Variants in FRMD1 observed in about 807,000 individuals in gnomAD.
FRMD1 encodes FERM domain containing 1.
A neutral mutation model predicts 54.9 loss-of-function variants in FRMD1; 51 were observed. The observed-to-expected ratio is 0.93, with a 90% CI of 0.74 to 1.17. The LOEUF (loss-of-function observed/expected upper bound fraction) is 1.17, where lower values mean the gene tolerates loss of function less well. Among genes scored for constraint, FRMD1 ranks in the 50% most tolerant of loss-of-function variants. The pLI, the probability that FRMD1 is intolerant of heterozygous loss-of-function variation, is 0.00. For missense variants in FRMD1, 729 were observed against 743.0 expected, an observed-to-expected ratio of 0.98 and a Z score of 0.22; for synonymous variants, 324 against 306.4, an observed-to-expected ratio of 1.06 and a Z score of -0.60.
At chr6:168,085,407 G>A (rs560000801), upstream of FRMD1, among the ~76,000 whole-genome samples, 2 of 152,264 alleles carry the variant, frequency 1.3e-5, no homozygotes, top group Non-Finnish European at 2.9e-5. Context: ...CGGGGACATC[G>A]GAGGAGCCCT....
intron 1 of FRMD1, among the ~76,000 whole-genome samples, chr6:168,090,058 C>A (rs1800989368): frequency 1.3e-5 from 2 of 152,024 alleles, no homozygotes; most frequent in South Asian, 4.1e-4. Context: ...CGCGTCCAGA[C>A]AGTGAGCCAA....
chr6:168,057,788 T>G, intron 10 of FRMD1: 1 of 183,962 alleles, frequency 5.4e-6, no homozygotes, highest in Non-Finnish European at 1.1e-5. Context: ...GGCAGCGTCA[T>G]CGCCCTTAAG....
upstream of FRMD1, among the ~76,000 whole-genome samples, chr6:168,081,052 C>G (rs538440522): frequency 6.6e-6 from 1 of 152,322 alleles, no homozygotes; most frequent in South Asian, 2.1e-4. Flanking sequence ...CAGCTCCTTC[C>G]TTCCCACCCA....
intron 2 of FRMD1, 125 bp from the exon 3 acceptor site, chr6:168,067,571 G>A (rs1234288405): frequency 1.2e-5 from 8 of 647,678 alleles, no homozygotes; most frequent in East Asian, 2.6e-5. Context: ...GTCTGCAGCT[G>A]ACGCTGCATA....
intron 1 of FRMD1, among the ~76,000 whole-genome samples, chr6:168,087,994 G>C (rs1368149392): frequency 1.3e-5 from 2 of 152,226 alleles, no homozygotes; most frequent in African/African-American, 4.8e-5. Context: ...GCGGGGCTCT[G>C]TGTGTGCTCC....
rs565524299 is a variant in FRMD1, at chr6:168,062,887, C to G, written c.870+7G>C. On this transcript the variant is annotated splice_region_variant and intron_variant, in intron 7 of 10. Coordinates refer to ENST00000283309, the MANE Select transcript of FRMD1 (RefSeq NM_024919.6). ...GGGCTCTGTGAGGCTGGAGCCCCTTCGGTCACCTGGTAGATGTGCACTCCC... is the reference window on the plus strand; with the variant it reads ...GGGCTCTGTGAGGCTGGAGCCCCTTGGGTCACCTGGTAGATGTGCACTCCC... 6.2e-7 allele frequency: 1 copy of G among 1,613,108 alleles called. No homozygotes were observed. Among genetic ancestry groups the G allele is most frequent in the African/African-American group, 1.3e-5 (1 of 74,900 alleles).
intron 2 of FRMD1, among the ~76,000 whole-genome samples, chr6:168,071,984 C>T (rs571350892): frequency 6.6e-6 from 1 of 152,368 alleles, no homozygotes; most frequent in South Asian, 2.1e-4. Flanking sequence ...TGAGCTCTCC[C>T]CTTAGCATCT....
intron 1 of FRMD1, among the ~76,000 whole-genome samples, chr6:168,089,663 C>T (rs561225070): frequency 1.3e-5 from 2 of 152,372 alleles, no homozygotes; most frequent in South Asian, 4.1e-4. Flanking sequence ...GGGGCAGGCC[C>T]CGTCTGTCCT....
intron 10 of FRMD1, among the ~76,000 whole-genome samples, chr6:168,058,195 A>T (rs1167443221): frequency 7.5e-5 from 9 of 119,644 alleles, no homozygotes; most frequent in Non-Finnish European, 1.2e-4. Flanking sequence ...TTCTCTCTCC[A>T]TCCAGCCTCC....
rs993051750 is a variant in FRMD1, at chr6:168,075,446, T to A, written c.214-111A>T. The stretch of plus-strand genomic sequence containing the variant: ...ACCAGGTGGACGACCCAGTCAGGCA[T>A]CCCCTGCAGGTAACAGGTCTGGGTC... On this transcript the variant is annotated intron_variant, in intron 1 of 10. Transcript: ENST00000283309. 159 of 822,146 alleles carry A rather than the reference T, an allele frequency of 1.9e-4. 1 individual carries two copies. The highest frequency in any genetic ancestry group is 2.9e-4 in the Non-Finnish European group (141 of 488,194). The allele number at this position is 822,146 out of a possible 1,614,324, so 50.9% of individuals were successfully genotyped here.
intron 1 of FRMD1, among the ~76,000 whole-genome samples, chr6:168,077,031 T>C (rs142448850): frequency 6.6e-6 from 1 of 152,200 alleles, no homozygotes; most frequent in East Asian, 1.9e-4. Context: ...CAGACACAGA[T>C]GCATGCACAC....
At chr6:168,068,319 A>ATT (rs2114988610) in intron 2 of FRMD1, among the ~76,000 whole-genome samples, 1 of 152,224 alleles carries the variant, frequency 6.6e-6, no homozygotes, top group Admixed American at 6.5e-5. Flanking sequence ...AAATTAAACA[A>ATT]TTTTCCTAGA....
At chr6:168,084,124 G>A (rs575708917), upstream of FRMD1, among the ~76,000 whole-genome samples, 14 of 152,254 alleles carry the variant, frequency 9.2e-5, no homozygotes, top group Admixed American at 7.8e-4. Flanking sequence ...GACTAGAGAC[G>A]GCAGGTGGGG....
chr6:168,081,251 G>A (rs1267230124), upstream of FRMD1: 2 of 1,153,874 alleles, frequency 1.7e-6, no homozygotes, highest in Non-Finnish European at 2.3e-6. Context: ...GGCACTGAGG[G>A]GACACCAGAA....
At position 168,075,288 on chromosome 6, in the gene FRMD1, C is replaced by G; in HGVS notation, c.261G>C (p.Ala87=). ...CAAAGAACTGCGCGTCTCTGATGCT[C>G]GCCACGTTGCACACTTGCTGGAAAA... ...RELFQQVCNV[A]SIRDAQFFGL... is the part of the protein sequence containing the mutation. Residue 87 remains alanine, a synonymous_variant, in exon 2 of 11, where the codon GCG becomes GCC. Coordinates refer to ENST00000283309, the MANE Select transcript of FRMD1 (RefSeq NM_024919.6). 6 of 1,613,684 alleles carry G rather than the reference C, an allele frequency of 3.7e-6. 1 individual carries two copies. The South Asian group carries it at 4.4e-5, about 12-fold the overall frequency.
At chr6:168,086,260 G>T (rs917179406), upstream of FRMD1, among the ~76,000 whole-genome samples, 8 of 146,610 alleles carry the variant, frequency 5.5e-5, no homozygotes, top group African/African-American at 2.2e-4. Context: ...CGCGTCCCCA[G>T]CATGGACACC....
chr6:168,064,875 T>A lies in FRMD1; in HGVS notation c.644A>T (p.Gln215Leu), dbSNP rs1413438936. ...GGAGGTGGGCCCTGACCTTACCCACTGTGGGAAGTAGGAGTGTGGCTCGAA... is the reference window on the plus strand; with the variant it reads ...GGAGGTGGGCCCTGACCTTACCCACAGTGGGAAGTAGGAGTGTGGCTCGAA... Reference protein sequence around the residue: ...RYFEPHSYFPQWIITKRGIDY... With the variant: ...RYFEPHSYFPLWIITKRGIDY... Residue 215 changes from glutamine to leucine, a missense_variant, in exon 5 of 11, where the codon CAG becomes CTG. Gln to Leu is a moderately radical substitution (Grantham distance 113, BLOSUM62 -2). Coordinates refer to ENST00000283309, the MANE Select transcript of FRMD1 (RefSeq NM_024919.6). 6.4e-7 allele frequency: 1 copy of A among 1,563,418 alleles called. No individual in the cohort carries two copies. The highest frequency in any genetic ancestry group is 1.7e-4 in the Middle Eastern group (1 of 5,992).
rs1800494482 is a variant in FRMD1, at chr6:168,074,765, CAT to C, written c.304+478_304+479del. On this transcript the variant is annotated intron_variant, in intron 2 of 10. Coordinates refer to ENST00000283309, the MANE Select transcript of FRMD1 (RefSeq NM_024919.6). The stretch of plus-strand genomic sequence containing the variant: ...ACTGTGTGCATGTGTGTGGTGCATG[CAT>C]GTGTACATGTGTGACTGGTGTGTGT... 6.4e-5 allele frequency among the ~76,000 whole-genome samples: 4 copies of C among 62,556 alleles called. No individual in the cohort carries two copies. The South Asian group carries it at 1.5e-3, about 24-fold the overall frequency. 41.0% of individuals were successfully genotyped at this position (62,556 alleles called of 152,430 possible). A position where few individuals can be genotyped will look rare whatever the true frequency, so the allele number is the denominator to read the frequency against.
intron 2 of FRMD1, among the ~76,000 whole-genome samples, chr6:168,074,403 G>A (rs570085109): frequency 3.9e-5 from 6 of 152,300 alleles, no homozygotes; most frequent in East Asian, 3.9e-4. Context: ...TGAGTGGTGC[G>A]TAACTGCATG....
Sources: allele counts gnomAD v4.1 joint callset (sites outside exome capture counted in the v4.1 genomes callset), GRCh38; gene constraint gnomAD v4.1.1; transcripts MANE v1.5; gene names NCBI Gene and HGNC (gene_info 2026-07-23, HGNC 2026-07-21).